The following RTN1 variants were observed in gnomAD, a reference collection of about 807,000 sequenced individuals.
The protein encoded by RTN1 is reticulon 1.
Under a neutral mutation model 65.5 loss-of-function variants are expected in RTN1, and 25 were observed. That is an observed-to-expected ratio of 0.38 (90% confidence interval 0.28 to 0.53). The LOEUF (loss-of-function observed/expected upper bound fraction) is 0.53, where lower values mean the gene tolerates loss of function less well. Ranked by LOEUF, RTN1 falls within the 20% of genes least tolerant of loss-of-function variation. The pLI is 0.79. For missense variants in RTN1, 983 were observed against 1,025.4 expected (o/e 0.96, Z 0.57); for synonymous variants, 471 against 447.6 (o/e 1.05, Z -0.66).
At chr14:59,811,151 A>G (rs184054394) in intron 1 of RTN1, among the ~76,000 whole-genome samples, 1 of 152,296 alleles carries the variant, frequency 6.6e-6, no homozygotes, top group African/African-American at 2.4e-5. Flanking sequence ...TCATTGGTGA[A>G]CTTTTAGTAT....
chr14:59,675,052 TACAC>T (rs5809041), intron 3 of RTN1, among the ~76,000 whole-genome samples: 16 of 148,234 alleles, frequency 1.1e-4, no homozygotes, highest in East Asian at 2.0e-4. Context: ...TGCAGATGAA[TACAC>T]ACACACACAC....
intron 1 of RTN1, among the ~76,000 whole-genome samples, chr14:59,750,265 A>ATTATATCTATAATATATATATT (rs372558235): frequency 1.2e-4 from 2 of 16,864 alleles, no homozygotes; most frequent in African/African-American, 7.3e-4. Context: ...TAATATATAT[A>ATTATATCTATAATATATATATT]ATATCTATAA....
chr14:59,668,134 C>A (rs1883420977), intron 3 of RTN1, among the ~76,000 whole-genome samples: 1 of 152,102 alleles, frequency 6.6e-6, no homozygotes, highest in Non-Finnish European at 1.5e-5. Flanking sequence ...AAAAAAGGGC[C>A]CACATTGCCA....
intron 3 of RTN1, among the ~76,000 whole-genome samples, chr14:59,629,629 T>G (rs2140183577): frequency 6.6e-6 from 1 of 152,326 alleles, no homozygotes; most frequent in Non-Finnish European, 1.5e-5. Flanking sequence ...AACTGCAAGG[T>G]GAATTTTAAT....
chr14:59,763,767 G>A (rs1421414152), intron 1 of RTN1, among the ~76,000 whole-genome samples: 1 of 151,926 alleles, frequency 6.6e-6, no homozygotes, highest in Non-Finnish European at 1.5e-5. Flanking sequence ...TCCTGACCTC[G>A]TGATCCACCT....
chr14:59,704,516 T>A (rs1003617908), intron 3 of RTN1, among the ~76,000 whole-genome samples: 6 of 152,108 alleles, frequency 3.9e-5, no homozygotes, highest in Non-Finnish European at 7.4e-5. Flanking sequence ...CTTTTGGAGC[T>A]TCAAAGGCCC....
At chr14:59,641,283 C>G (rs1419563718) in intron 3 of RTN1, among the ~76,000 whole-genome samples, 1 of 151,934 alleles carries the variant, frequency 6.6e-6, no homozygotes, top group African/African-American at 2.4e-5. Flanking sequence ...TCTTTTCTTG[C>G]CTTCTTTGAA....
intron 3 of RTN1, chr14:59,607,741 T>TTGACCATATCG: frequency 4.0e-6 from 2 of 505,770 alleles, no homozygotes; most frequent in Non-Finnish European, 7.2e-6. Context: ...TGAATCTCCA[T>TTGACCATATCG]TGACCATATC....
At chr14:59,639,935 TA>T (rs1414939036) in intron 3 of RTN1, among the ~76,000 whole-genome samples, 1 of 152,234 alleles carries the variant, frequency 6.6e-6, no homozygotes, top group Non-Finnish European at 1.5e-5. Flanking sequence ...AATATGCTAA[TA>T]TTTTGTGTAG....
chr14:59,639,067 C>A (rs999349293), intron 3 of RTN1, among the ~76,000 whole-genome samples: 1 of 151,996 alleles, frequency 6.6e-6, no homozygotes, highest in Non-Finnish European at 1.5e-5. Context: ...TATTCATTGG[C>A]CTAACCGAAA....
At chr14:59,741,556 T>C (rs1036147269) in intron 2 of RTN1, among the ~76,000 whole-genome samples, 1 of 152,198 alleles carries the variant, frequency 6.6e-6, no homozygotes, top group Non-Finnish European at 1.5e-5. Context: ...GTGGAGTAAA[T>C]GGTCAACACA....
intron 1 of RTN1, among the ~76,000 whole-genome samples, chr14:59,866,658 G>GC (rs1887803971): frequency 6.6e-6 from 1 of 152,128 alleles, no homozygotes; most frequent in Admixed American, 6.5e-5. Flanking sequence ...AATTGCATTA[G>GC]TTTTCCAAAC....
intron 1 of RTN1, among the ~76,000 whole-genome samples, chr14:59,751,199 T>TG (rs1885514396): frequency 6.8e-6 from 1 of 148,140 alleles, no homozygotes; most frequent in Non-Finnish European, 1.5e-5. Context: ...ACCTTTTTTT[T>TG]TTTTTTTTTT....
At chr14:59,695,709 T>G (rs2139442720) in intron 3 of RTN1, among the ~76,000 whole-genome samples, 1 of 152,266 alleles carries the variant, frequency 6.6e-6, no homozygotes, top group South Asian at 2.1e-4. Flanking sequence ...AACATTACCA[T>G]CTCTTTTATC....
chr14:59,798,677 G>T (rs1886483847), intron 1 of RTN1, among the ~76,000 whole-genome samples: 1 of 151,888 alleles, frequency 6.6e-6, no homozygotes. Context: ...GATTACATTG[G>T]GCCCGCCTGG....
At chr14:59,663,528 C>A (rs1883296718) in intron 3 of RTN1, among the ~76,000 whole-genome samples, 2 of 152,078 alleles carry the variant, frequency 1.3e-5, no homozygotes, top group Non-Finnish European at 2.9e-5. Context: ...AAGAAACTAT[C>A]ATCAGTGTGA....
intron 3 of RTN1, among the ~76,000 whole-genome samples, chr14:59,635,827 G>T (rs1251430611): frequency 6.6e-6 from 1 of 152,106 alleles, no homozygotes; most frequent in African/African-American, 2.4e-5. Context: ...CTTGGAAACT[G>T]CAACTTTAAA....
At chr14:59,717,566 T>C (rs1884562498) in intron 3 of RTN1, among the ~76,000 whole-genome samples, 1 of 152,186 alleles carries the variant, frequency 6.6e-6, no homozygotes, top group Admixed American at 6.5e-5. Flanking sequence ...AGCTCCTCTG[T>C]GTCGCCACCA....
At position 59,727,134 on chromosome 14, in the gene RTN1, G is replaced by C; in HGVS notation, c.1550C>G (p.Ala517Gly). The C allele has an allele frequency of 6.2e-7, 1 of 1,603,108 alleles. No homozygotes were observed. Residue 517 changes from alanine (A) to glycine (G), a missense_variant, in exon 3 of 9, where the codon GCC becomes GGC. By Grantham distance (60) the Ala-to-Gly change is moderately conservative. Around this residue, in one of 2 missense-constraint regions of RTN1, gnomAD observed 818 missense variants for 801.8 expected, o/e 1.02. Coordinates refer to ENST00000267484, the MANE Select transcript of RTN1 (RefSeq NM_021136.3). This position sits in a 1 kb window ranked among gnomAD's most constrained non-coding sequence, Gnocchi z 4.2. ...GTAGTCGAGGAAGGAACCCGGCTCG[G>C]CCAGGCCCCGCCGGCTTGGCGCACG... ...EERAPSRRGLAEPGSFLDYPS... is the reference protein window; with the variant it reads ...EERAPSRRGLGEPGSFLDYPS...
Sources: allele counts gnomAD v4.1 joint callset (sites outside exome capture counted in the v4.1 genomes callset), GRCh38; gene constraint gnomAD v4.1.1; regional missense constraint gnomAD v4.1.1; non-coding constraint Gnocchi (gnomAD v3.1); transcripts MANE v1.5; gene names NCBI Gene and HGNC (gene_info 2026-07-23, HGNC 2026-07-21).